The following UMAD1 variants were observed in gnomAD, a reference collection of about 807,000 sequenced individuals.
UMAD1 encodes UBAP1-MVB12-associated (UMA)-domain containing protein 1.
A neutral mutation model predicts 6.1 loss-of-function variants in UMAD1; 8 were observed. The ratio of observed to expected loss-of-function variants is 1.30; its 90% CI spans 0.76 to 2.35. UMAD1 has a LOEUF of 2.35. Among genes scored for constraint, UMAD1 ranks in the 30% most tolerant of loss-of-function variants. UMAD1 has a pLI of 0.00. For synonymous variants in UMAD1, 56 were observed against 31.4 expected (o/e 1.78, Z -2.61); for missense variants, 130 against 78.4 (o/e 1.66, Z -2.49).
chr7:7,777,619 G>T, intron 2 of UMAD1, among the ~76,000 whole-genome samples: 1 of 119,478 alleles, frequency 8.4e-6, no homozygotes, highest in Non-Finnish European at 1.7e-5. Context: ...GCCAGTATTT[G>T]GCTTTTTAAC....
chr7:7,768,843 C>T (rs1010216180), intron 2 of UMAD1, among the ~76,000 whole-genome samples: 9 of 152,190 alleles, frequency 5.9e-5, no homozygotes, highest in East Asian at 3.9e-4. Context: ...AGACAGTAAG[C>T]GTCTTATGTT....
chr7:7,796,301 G>C (rs6976853), intron 2 of UMAD1, among the ~76,000 whole-genome samples: 44,032 of 128,926 alleles, frequency 0.34, 7,677 homozygotes, highest in Admixed American at 0.4. Flanking sequence ...GCCCAGGCTG[G>C]AGTGCAATGG....
chr7:7,753,217 A>G lies in UMAD1; in HGVS notation c.83-48453A>G, dbSNP rs576580883. On this transcript the variant is annotated intron_variant, in intron 2 of 3. Coordinates refer to ENST00000682710, the MANE Select transcript of UMAD1 (RefSeq NM_001302348.2). ...TTGATACAGGCATACATTGTGTAATAATCACATCACAGAAAATGAGGTATC... is the reference window on the plus strand; with the variant it reads ...TTGATACAGGCATACATTGTGTAATGATCACATCACAGAAAATGAGGTATC... Among the ~76,000 whole-genome samples the G allele has an allele frequency of 2.6e-5, 4 of 152,358 alleles. No homozygotes were observed. The East Asian group carries it at 7.7e-4, about 29-fold the overall frequency.
At chr7:7,739,954 G>T (rs142934584) in intron 2 of UMAD1, among the ~76,000 whole-genome samples, 1 of 152,352 alleles carries the variant, frequency 6.6e-6, no homozygotes, top group Non-Finnish European at 1.5e-5. Flanking sequence ...TGCTACCTGT[G>T]TCAATGGGGA....
chr7:7,678,684 T>C (rs1202740055), intron 2 of UMAD1, among the ~76,000 whole-genome samples: 2 of 126,886 alleles, frequency 1.6e-5, no homozygotes, highest in African/African-American at 3.2e-5. Context: ...TATTTATATA[T>C]TTAGTTTATA....
At chr7:7,662,730 G>T (rs1785506523) in intron 1 of UMAD1, among the ~76,000 whole-genome samples, 1 of 152,120 alleles carries the variant, frequency 6.6e-6, no homozygotes, top group African/African-American at 2.4e-5. Flanking sequence ...TGATCTCACT[G>T]GGAACTGCAG....
At chr7:7,752,271 G>T (rs1022512936) in intron 2 of UMAD1, among the ~76,000 whole-genome samples, 1 of 152,082 alleles carries the variant, frequency 6.6e-6, no homozygotes. Context: ...TAATAAATAG[G>T]CTTGATAGAC....
intron 2 of UMAD1, among the ~76,000 whole-genome samples, chr7:7,779,686 C>G (rs193055957): frequency 6.6e-6 from 1 of 152,240 alleles, no homozygotes; most frequent in African/African-American, 2.4e-5. Context: ...ACTCTGCCAT[C>G]CAGGCTGAAG....
At chr7:7,845,865 T>C (rs1783773499) in intron 3 of UMAD1, among the ~76,000 whole-genome samples, 1 of 152,154 alleles carries the variant, frequency 6.6e-6, no homozygotes, top group Non-Finnish European at 1.5e-5. Context: ...ACAGCTATCA[T>C]GTTAGCATAT....
intron 1 of UMAD1, among the ~76,000 whole-genome samples, chr7:7,650,546 C>T (rs963327974): frequency 6.6e-6 from 1 of 152,212 alleles, no homozygotes; most frequent in East Asian, 1.9e-4. Flanking sequence ...GTAGTGATGG[C>T]TGCAGGACAG....
chr7:7,729,830 A>G (rs997451127), intron 2 of UMAD1, among the ~76,000 whole-genome samples: 1 of 152,162 alleles, frequency 6.6e-6, no homozygotes, highest in Non-Finnish European at 1.5e-5. Context: ...TGAAAAACGT[A>G]AATTTTAAAC....
rs200238396 is a variant in UMAD1, at chr7:7,699,048, GT to G, written c.82+25596del. Among the ~76,000 whole-genome samples the G allele has an allele frequency of 4.4e-3, 529 of 120,826 alleles. 6 individuals are homozygous for G. The highest frequency in any genetic ancestry group is 0.016 in the African/African-American group (496 of 31,878). The allele number at this position is 120,826 out of a possible 152,430, so 79.3% of individuals were successfully genotyped here. Reference sequence around the variant, plus strand: ...TTTTATATAGTTTGTGTGTGTGTGTGTGGGGGGGGGGTAGATACCAGGTTTG... The same window carrying G: ...TTTTATATAGTTTGTGTGTGTGTGTGGGGGGGGGGGTAGATACCAGGTTTG... On this transcript the variant is annotated intron_variant, in intron 2 of 3. Coordinates refer to ENST00000682710, the MANE Select transcript of UMAD1 (RefSeq NM_001302348.2).
At chr7:7,750,892 AG>A (rs1295961494) in intron 2 of UMAD1, among the ~76,000 whole-genome samples, 1 of 152,234 alleles carries the variant, frequency 6.6e-6, no homozygotes, top group Non-Finnish European at 1.5e-5. Flanking sequence ...AAAGTAGGAA[AG>A]GGTAAATAGA....
chr7:7,836,725 A>G (rs567756642), intron 3 of UMAD1, among the ~76,000 whole-genome samples: 33 of 152,014 alleles, frequency 2.2e-4, no homozygotes, highest in Non-Finnish European at 4.0e-4. Context: ...TATTCAATGC[A>G]TAGGTTAAAG....
At chr7:7,743,233 G>T (rs1781508708) in intron 2 of UMAD1, among the ~76,000 whole-genome samples, 1 of 151,998 alleles carries the variant, frequency 6.6e-6, no homozygotes, top group South Asian at 2.1e-4. Flanking sequence ...TTAAAGTAGG[G>T]GATAAAATGT....
At chr7:7,717,980 T>C (rs1484232500) in intron 2 of UMAD1, among the ~76,000 whole-genome samples, 1 of 152,238 alleles carries the variant, frequency 6.6e-6, no homozygotes, top group Non-Finnish European at 1.5e-5. Flanking sequence ...TTTGTCATAG[T>C]TGTGTAGCTT....
intron 2 of UMAD1, among the ~76,000 whole-genome samples, chr7:7,695,981 GT>G (rs34880729): frequency 0.024 from 3,157 of 130,684 alleles, 108 homozygotes; most frequent in African/African-American, 0.084. Flanking sequence ...GTATATCTCC[GT>G]TTTTTTTTTT....
intron 3 of UMAD1, among the ~76,000 whole-genome samples, chr7:7,810,603 T>C (rs1464270542): frequency 1.3e-5 from 2 of 152,182 alleles, no homozygotes; most frequent in African/African-American, 2.4e-5. Flanking sequence ...CATAAAAACA[T>C]TAAGAGTACT....
At position 7,700,157 on chromosome 7, in the gene UMAD1, C is replaced by T. The variant is rs186141595; in HGVS notation, c.82+26704C>T. On this transcript the variant is annotated intron_variant, in intron 2 of 3. Transcript: ENST00000682710. ...TCAGAGTTCTGGAGACTGGGAAGTC[C>T]AAGATCAAGGCATTGGCAAATAGGC... Among the ~76,000 whole-genome samples the T allele has an allele frequency of 2.1e-3, 324 of 152,212 alleles. 1 individual carries two copies. Among genetic ancestry groups the T allele is most frequent in the Non-Finnish European group, 3.9e-3 (267 of 68,024 alleles).
Sources: gnomAD v4.1 joint callset for allele counts (sites outside exome capture counted in the v4.1 genomes callset) on GRCh38, gnomAD v4.1.1 for gene constraint, MANE v1.5 for transcripts, NCBI Gene and HGNC (gene_info 2026-07-23, HGNC 2026-07-21) for gene names.